The following HEMGN variants were observed in gnomAD, a reference collection of about 807,000 sequenced individuals.
HEMGN encodes erythroid differentiation-associated gene protein.
Under a neutral mutation model 45.7 loss-of-function variants are expected in HEMGN, and 32 were observed. The ratio of observed to expected loss-of-function variants is 0.70; its 90% CI spans 0.53 to 0.94. HEMGN has a LOEUF of 0.94. HEMGN is among the 40% of genes least tolerant of loss of function. The pLI is 0.00. For missense variants in HEMGN, 530 were observed against 564.2 expected, an observed-to-expected ratio of 0.94 and a Z score of 0.61; for synonymous variants, 183 against 178.6, an observed-to-expected ratio of 1.02 and a Z score of -0.20.
At chr9:97,933,082 C>T (rs951031842) in intron 2 of HEMGN, among the ~76,000 whole-genome samples, 1 of 152,036 alleles carries the variant, frequency 6.6e-6, no homozygotes, top group African/African-American at 2.4e-5. Context: ...GCAAAAAATA[C>T]CTATGTGGCC....
intron 2 of HEMGN, among the ~76,000 whole-genome samples, chr9:97,935,136 A>G (rs527372403): frequency 2.7e-4 from 41 of 152,346 alleles, no homozygotes; most frequent in African/African-American, 9.1e-4. Flanking sequence ...GGAAAAAATC[A>G]TGAACCAACA....
upstream of HEMGN, among the ~76,000 whole-genome samples, chr9:97,942,223 T>TA (rs1827163037): frequency 6.6e-6 from 1 of 151,962 alleles, no homozygotes; most frequent in South Asian, 2.1e-4. Flanking sequence ...GTGAGACTGG[T>TA]AGTTCGCACC....
intron 1 of HEMGN, among the ~76,000 whole-genome samples, chr9:97,943,182 G>A (rs75856900): frequency 0.013 from 2,024 of 152,214 alleles, 38 homozygotes; most frequent in African/African-American, 0.046. Flanking sequence ...TGAAAAACAC[G>A]GCAGATATAA....
upstream of HEMGN, among the ~76,000 whole-genome samples, chr9:97,939,298 C>T (rs1042059644): frequency 6.6e-6 from 1 of 152,184 alleles, no homozygotes; most frequent in African/African-American, 2.4e-5. Flanking sequence ...CCATATGAGG[C>T]ATTTTATGTG....
At position 97,927,570 on chromosome 9, in the gene HEMGN, A is replaced by G. The variant is rs1364782315; in HGVS notation, c.1361-92T>C. On this transcript the variant is annotated intron_variant, in intron 3 of 3. Coordinates refer to ENST00000616898, the MANE Select transcript of HEMGN (RefSeq NM_197978.3). Reference sequence around the variant, plus strand: ...GGAGGAAGAAAAACTGCTTTACAACATACACAACAACAAACCGTAGATGGG... The same window carrying G: ...GGAGGAAGAAAAACTGCTTTACAACGTACACAACAACAAACCGTAGATGGG... The G allele has an allele frequency of 1.3e-5, 10 of 767,064 alleles. No homozygotes were observed. The East Asian group carries it at 2.3e-4, about 18-fold the overall frequency. The allele number at this position is 767,064 out of a possible 1,614,324, so 47.5% of individuals were successfully genotyped here. A position where few individuals can be genotyped will look rare whatever the true frequency, so the allele number is the denominator to read the frequency against.
Position 97,931,092 on chromosome 9 carries a change from C to T in HEMGN, c.303G>A (p.Leu101=), listed in dbSNP as rs898151041. The change falls in exon 3 of 4, where the codon CTG becomes CTA. Residue 101 remains leucine (L), a synonymous_variant. Coordinates refer to ENST00000616898, the MANE Select transcript of HEMGN (RefSeq NM_197978.3). ...GCTCAGTTTTTTTCTCTATAGGTGCCAGTGCTTTCTCCACTATTTCCTTTT... is the reference window on the plus strand; with the variant it reads ...GCTCAGTTTTTTTCTCTATAGGTGCTAGTGCTTTCTCCACTATTTCCTTTT... ...QIEKEIVEKA[L]APIEKKTEPP... 22 of 1,613,964 alleles carry T rather than the reference C, an allele frequency of 1.4e-5. No individual in the cohort carries two copies. In the Admixed American group the frequency reaches 3.2e-4, roughly 23 times the overall value.
chr9:97,928,219 G>T (rs997011445), intron 3 of HEMGN, among the ~76,000 whole-genome samples: 1 of 151,916 alleles, frequency 6.6e-6, no homozygotes, highest in Non-Finnish European at 1.5e-5. Context: ...GTAGAGACGG[G>T]GTTTCATCGT....
Position 97,936,163 on chromosome 9 carries a change from T to C in HEMGN, c.173+8A>G, listed in dbSNP as rs758141430. 6 of 1,586,554 alleles carry C rather than the reference T, an allele frequency of 3.8e-6. No homozygotes were observed. In the East Asian group the frequency reaches 1.3e-4, roughly 35 times the overall value. On this transcript the variant is annotated splice_region_variant and intron_variant, in intron 2 of 3. Coordinates refer to ENST00000616898, the MANE Select transcript of HEMGN (RefSeq NM_197978.3). ...ATTAGTTCCCTTTCCCTTGTGATGC[T>C]ACCATACCCAAATAGCCATTGTGAT...
chr9:97,938,365 A>G, upstream of HEMGN: 8 of 475,052 alleles, frequency 1.7e-5, 1 homozygote, highest in South Asian at 2.3e-4. Context: ...GGCTGGTGCT[A>G]GCAACCCCTA....
In HEMGN at chr9:97,926,891, C is replaced by A. The variant is rs1826835943; in HGVS notation, c.*493G>T. ...TTCAAATACAAAAGTAAACTACATTCATCACTCCAAAATATCTTTTAAGGA... is the reference window on the plus strand; with the variant it reads ...TTCAAATACAAAAGTAAACTACATTAATCACTCCAAAATATCTTTTAAGGA... On this transcript the variant is annotated 3_prime_UTR_variant, in exon 4 of 4. Transcript: ENST00000616898. The A allele has an allele frequency of 6.6e-6, 1 of 152,538 alleles. No homozygotes were observed. The highest frequency in any genetic ancestry group is 2.1e-4 in the South Asian group (1 of 4,820). The allele number at this position is 152,538 out of a possible 1,614,324, so 9.4% of individuals were successfully genotyped here.
intron 1 of HEMGN, among the ~76,000 whole-genome samples, chr9:97,937,825 C>T (rs1010960972): frequency 6.6e-5 from 10 of 152,244 alleles, no homozygotes; most frequent in African/African-American, 2.2e-4. Flanking sequence ...TAGCTCTCAC[C>T]ACTTATTGCC....
chr9:97,937,646 G>T (rs576771401), intron 1 of HEMGN, among the ~76,000 whole-genome samples: 24 of 151,960 alleles, frequency 1.6e-4, no homozygotes, highest in African/African-American at 5.8e-4. Context: ...TTCAAAGAAG[G>T]AGTCTCTGGG....
chr9:97,927,952 G>A (rs1413771224), intron 3 of HEMGN, among the ~76,000 whole-genome samples: 3 of 151,696 alleles, frequency 2.0e-5, no homozygotes, highest in Non-Finnish European at 4.4e-5. Context: ...TATAAAAGGG[G>A]GTGATTAAGA....
chr9:97,942,328 G>A, upstream of HEMGN, among the ~76,000 whole-genome samples: 1 of 147,498 alleles, frequency 6.8e-6, no homozygotes, highest in Admixed American at 6.9e-5. Context: ...TGTTGCCCAG[G>A]CTGGAGTGCA....
At chr9:97,938,438 G>A, upstream of HEMGN, 1 of 261,770 alleles carries the variant, frequency 3.8e-6, no homozygotes, top group Admixed American at 5.2e-5. Context: ...ACAGCCTCTA[G>A]TCAGCACTCT....
intron 2 of HEMGN, among the ~76,000 whole-genome samples, chr9:97,933,144 A>G (rs535317068): frequency 2.0e-4 from 31 of 152,298 alleles, no homozygotes; most frequent in Middle Eastern, 6.8e-3. Flanking sequence ...CTTAACCTCT[A>G]CATGCCTTGG....
At chr9:97,936,079 TA>T in intron 2 of HEMGN, 91 bp downstream of exon 2, 1 of 854,660 alleles carries the variant, frequency 1.2e-6, no homozygotes, top group Non-Finnish European at 2.0e-6. Context: ...GTTGGAAAGA[TA>T]AAATACAGTG....
At chr9:97,934,918 C>T (rs551942288) in intron 2 of HEMGN, among the ~76,000 whole-genome samples, 2 of 152,090 alleles carry the variant, frequency 1.3e-5, no homozygotes, top group East Asian at 1.9e-4. Context: ...TCTGAGCCAG[C>T]GGGGTTGCCG....
At chr9:97,940,503 T>G (rs907343866), upstream of HEMGN, among the ~76,000 whole-genome samples, 3 of 152,098 alleles carry the variant, frequency 2.0e-5, no homozygotes, top group Non-Finnish European at 2.9e-5. Context: ...AAGGTGTCTC[T>G]GGCATGATAA....
Sources: gnomAD v4.1 joint callset for allele counts (sites outside exome capture counted in the v4.1 genomes callset) on GRCh38, gnomAD v4.1.1 for gene constraint, MANE v1.5 for transcripts, NCBI Gene and HGNC (gene_info 2026-07-23, HGNC 2026-07-21) for gene names.